SHISA9: variants seen among roughly 807,000 people sequenced by gnomAD.
SHISA9 encodes protein shisa-9.
In SHISA9, 13 loss-of-function variants were observed where a neutral mutation model predicts 38.0. The ratio of observed to expected loss-of-function variants is 0.34; its 90% CI spans 0.22 to 0.54. The LOEUF is 0.54. SHISA9 is among the 20% of genes least tolerant of loss of function. SHISA9 has a pLI of 0.91. For synonymous variants in SHISA9, 275 were observed against 242.0 expected (o/e 1.14, Z -1.27); for missense variants, 538 against 575.8 (o/e 0.93, Z 0.67).
chr16:13,558,922 C>T, the SHISA9 span, among the ~76,000 whole-genome samples: 5 of 152,248 alleles, frequency 3.3e-5, no homozygotes, highest in East Asian at 3.9e-4. Context: ...GAAAGTGTCA[C>T]GAGTATTGAT....
chr16:13,052,554 C>G (rs1451535099), intron 2 of SHISA9, among the ~76,000 whole-genome samples: 5 of 152,272 alleles, frequency 3.3e-5, no homozygotes, highest in Middle Eastern at 3.4e-3. Flanking sequence ...ATAATTGAGT[C>G]TTGAACCCAA....
At chr16:13,474,860 T>C in the SHISA9 span, among the ~76,000 whole-genome samples, 1 of 152,114 alleles carries the variant, frequency 6.6e-6, no homozygotes, top group East Asian at 1.9e-4. Flanking sequence ...TCGTGGTGAG[T>C]TGAAGGAACA....
chr16:13,154,870 G>A (rs761073658), intron 2 of SHISA9, among the ~76,000 whole-genome samples: 1 of 152,186 alleles, frequency 6.6e-6, no homozygotes, highest in Non-Finnish European at 1.5e-5. Flanking sequence ...TTGTTCTCAG[G>A]ATGTTTTGTC....
chr16:13,231,776 A>T (rs2051333597), intron 4 of SHISA9, among the ~76,000 whole-genome samples: 1 of 152,226 alleles, frequency 6.6e-6, no homozygotes, highest in African/African-American at 2.4e-5. Flanking sequence ...TGTCTAGCAT[A>T]GACACAGCAT....
At chr16:13,011,773 G>A (rs928765581) in intron 2 of SHISA9, among the ~76,000 whole-genome samples, 75 of 151,822 alleles carry the variant, frequency 4.9e-4, no homozygotes, top group African/African-American at 1.7e-3. Flanking sequence ...CGCCTGCCTC[G>A]GCCTCCCAAA....
At chr16:12,976,629 T>G (rs2072165566) in intron 2 of SHISA9, among the ~76,000 whole-genome samples, 1 of 152,192 alleles carries the variant, frequency 6.6e-6, no homozygotes. Context: ...TCTCAGAATC[T>G]CTCTGAATCA....
the SHISA9 span, among the ~76,000 whole-genome samples, chr16:13,264,577 G>A: frequency 6.6e-6 from 1 of 152,092 alleles, no homozygotes; most frequent in African/African-American, 2.4e-5. Flanking sequence ...GCGCTTCAAA[G>A]GTTAACTTCT....
At chr16:13,497,515 C>T in the SHISA9 span, among the ~76,000 whole-genome samples, 1 of 151,968 alleles carries the variant, frequency 6.6e-6, no homozygotes, top group Non-Finnish European at 1.5e-5. Flanking sequence ...GAAACCCCAT[C>T]TCTACAACAA....
chr16:13,544,508 T>C, the SHISA9 span, among the ~76,000 whole-genome samples: 1 of 146,484 alleles, frequency 6.8e-6, no homozygotes, highest in Admixed American at 7.1e-5. Context: ...TTCAGGGAGA[T>C]TGCACAGCTG....
intron 2 of SHISA9, among the ~76,000 whole-genome samples, chr16:13,068,408 C>T (rs1384071452): frequency 1.3e-5 from 2 of 152,196 alleles, no homozygotes; most frequent in Non-Finnish European, 2.9e-5. Flanking sequence ...GGTGTGTGAA[C>T]ACCCACACAG....
chr16:13,460,395 A>C, the SHISA9 span, among the ~76,000 whole-genome samples: 1 of 152,154 alleles, frequency 6.6e-6, no homozygotes, highest in African/African-American at 2.4e-5. Flanking sequence ...TAATCCTCAC[A>C]ACAAGCCCCC....
intron 1 of SHISA9, chr16:12,910,561 ACT>A: frequency 1.0e-6 from 1 of 985,336 alleles, no homozygotes; most frequent in Non-Finnish European, 1.2e-6. Context: ...AGCTTTCAGT[ACT>A]CTCTTGTGAA....
At chr16:13,269,398 C>T in the SHISA9 span, among the ~76,000 whole-genome samples, 1 of 152,204 alleles carries the variant, frequency 6.6e-6, no homozygotes, top group Non-Finnish European at 1.5e-5. Flanking sequence ...ATAAATCCTC[C>T]TCCATATTTC....
intron 2 of SHISA9, among the ~76,000 whole-genome samples, chr16:12,927,104 C>A (rs1432831428): frequency 6.6e-6 from 1 of 151,434 alleles, no homozygotes; most frequent in South Asian, 2.1e-4. Flanking sequence ...ATAATAACAG[C>A]CAATATAAAA....
the SHISA9 span, among the ~76,000 whole-genome samples, chr16:13,287,559 T>A: frequency 2.0e-5 from 3 of 152,128 alleles, no homozygotes; most frequent in African/African-American, 7.2e-5. Context: ...GAATTGTAAG[T>A]CGATCCACAT....
chr16:13,344,839 G>A, the SHISA9 span, among the ~76,000 whole-genome samples: 30 of 152,066 alleles, frequency 2.0e-4, no homozygotes, highest in Non-Finnish European at 3.1e-4. Context: ...CTATGTTCTT[G>A]GTCATTACAC....
At chr16:13,200,148 A>G (rs565932003) in intron 2 of SHISA9, among the ~76,000 whole-genome samples, 4 of 152,212 alleles carry the variant, frequency 2.6e-5, no homozygotes, top group African/African-American at 9.6e-5. Flanking sequence ...ACCACATTGC[A>G]TCTTGCTTGG....
intron 4 of SHISA9, among the ~76,000 whole-genome samples, chr16:13,220,584 C>T (rs951092883): frequency 2.6e-5 from 4 of 152,164 alleles, no homozygotes; most frequent in Non-Finnish European, 5.9e-5. Flanking sequence ...CCTTAATTTG[C>T]TTCATTTAGA....
At chr16:13,041,606 G>C (rs541955406) in intron 2 of SHISA9, among the ~76,000 whole-genome samples, 1 of 152,330 alleles carries the variant, frequency 6.6e-6, no homozygotes, top group South Asian at 2.1e-4. Context: ...TCCTGAGGAA[G>C]AGTTGATTTT....
Sources: allele counts gnomAD v4.1 joint callset (sites outside exome capture counted in the v4.1 genomes callset), GRCh38; gene constraint gnomAD v4.1.1; transcripts MANE v1.5; gene names NCBI Gene and HGNC (gene_info 2026-07-23, HGNC 2026-07-21).